Variants in TMEM114 observed in about 807,000 individuals in gnomAD.
The protein encoded by TMEM114 is claudin-26.
TMEM114 carries 6 observed loss-of-function variants against 6.2 expected under a neutral mutation model. The observed-to-expected ratio is 0.97, with a 90% CI of 0.53 to 1.91. The LOEUF (loss-of-function observed/expected upper bound fraction) is 1.91. Ranked by LOEUF, TMEM114 falls within the 40% of genes most tolerant of loss-of-function variation. TMEM114 has a pLI of 0.01. For synonymous variants in TMEM114, 104 were observed against 73.0 expected, an observed-to-expected ratio of 1.42 and a Z score of -2.16; for missense variants, 218 against 158.3, an observed-to-expected ratio of 1.38 and a Z score of -2.02.
chr16:8,572,433 CTTG>C (rs1901766315), intron 2 of TMEM114: 6 of 611,204 alleles, frequency 9.8e-6, no homozygotes, highest in South Asian at 1.9e-5. Context: ...GTGCTTTGTT[CTTG>C]TTGTTTGTTT....
At chr16:8,538,159 G>A (rs1292513192) in intron 2 of TMEM114, among the ~76,000 whole-genome samples, 2 of 115,166 alleles carry the variant, frequency 1.7e-5, no homozygotes, top group Admixed American at 9.0e-5. Context: ...AAAAAACTTC[G>A]CTGGTCATGG....
At chr16:8,546,832 G>A (rs528081286) in intron 2 of TMEM114, among the ~76,000 whole-genome samples, 1 of 152,248 alleles carries the variant, frequency 6.6e-6, no homozygotes, top group South Asian at 2.1e-4. Context: ...CTTCCTTTGA[G>A]TGTCTGCCAA....
At chr16:8,572,312 A>G in intron 2 of TMEM114, 88 bp from the exon 3 acceptor site, 1 of 1,450,592 alleles carries the variant, frequency 6.9e-7, no homozygotes, top group Admixed American at 2.0e-5. Flanking sequence ...CACCTACTAG[A>G]GCTGGGGAAA....
downstream of TMEM114, among the ~76,000 whole-genome samples, chr16:8,568,174 C>T (rs537264015): frequency 3.9e-5 from 6 of 152,302 alleles, no homozygotes; most frequent in Admixed American, 6.5e-5. Context: ...CCCTGCTTTG[C>T]TTATCTCCTA....
intron 2 of TMEM114, among the ~76,000 whole-genome samples, chr16:8,559,584 G>T (rs371511445): frequency 1.3e-5 from 2 of 152,178 alleles, no homozygotes; most frequent in South Asian, 2.1e-4. Flanking sequence ...TTCAATGCAT[G>T]AATATTTTAT....
intron 2 of TMEM114, among the ~76,000 whole-genome samples, chr16:8,549,090 G>A (rs1180964538): frequency 6.7e-6 from 1 of 149,076 alleles, no homozygotes; most frequent in African/African-American, 2.5e-5. Flanking sequence ...GCTGAGGCAG[G>A]AGAATGGCGT....
At chr16:8,565,209 A>T (rs1267585068), downstream of TMEM114, among the ~76,000 whole-genome samples, 1 of 152,140 alleles carries the variant, frequency 6.6e-6, no homozygotes, top group Non-Finnish European at 1.5e-5. Flanking sequence ...ATGTATGAAT[A>T]AATGAATAAG....
At chr16:8,581,578 C>G (rs1902150807) in intron 2 of TMEM114, among the ~76,000 whole-genome samples, 2 of 152,142 alleles carry the variant, frequency 1.3e-5, no homozygotes, top group African/African-American at 4.8e-5. Flanking sequence ...CTCAGCCTCC[C>G]AAGTAGCTGG....
At chr16:8,572,396 G>A in intron 2 of TMEM114, 172 bp from the exon 3 acceptor site, 1 of 728,202 alleles carries the variant, frequency 1.4e-6, no homozygotes, top group Non-Finnish European at 2.3e-6. Flanking sequence ...GACAACAGTG[G>A]TTGAGGCTCA....
chr16:8,540,318 G>C, intron 2 of TMEM114, among the ~76,000 whole-genome samples: 1 of 152,154 alleles, frequency 6.6e-6, no homozygotes, highest in East Asian at 1.9e-4. Context: ...GAGCTCTGGA[G>C]TCCAGCCACC....
chr16:8,538,017 G>A (rs529687145), intron 2 of TMEM114, among the ~76,000 whole-genome samples: 3 of 151,668 alleles, frequency 2.0e-5, no homozygotes, highest in African/African-American at 7.3e-5. Flanking sequence ...TTTGCCCTGA[G>A]ACTGGGCGCC....
intron 2 of TMEM114, among the ~76,000 whole-genome samples, chr16:8,585,644 C>T (rs1351045293): frequency 6.6e-6 from 1 of 151,366 alleles, no homozygotes; most frequent in Non-Finnish European, 1.5e-5. Context: ...AAAAAAAAAG[C>T]TCTTTCTGGG....
At position 8,590,069 on chromosome 16, in the gene TMEM114, C is replaced by G; in HGVS notation, c.-231G>C. The stretch of plus-strand genomic sequence containing the variant: ...CCCCCGCTCAGCCGCCGTCCACGTT[C>G]CCACCCCTCCAATGCCAGCTCTACC... On this transcript the variant is annotated 5_prime_UTR_variant, in exon 1 of 4. Coordinates refer to ENST00000620492, the MANE Select transcript of TMEM114 (RefSeq NM_001146336.2). 2.7e-6 allele frequency: 1 copy of G among 373,498 alleles called. No individual in the cohort carries two copies. Among genetic ancestry groups the G allele is most frequent in the Non-Finnish European group, 4.7e-6 (1 of 210,752 alleles). The allele number at this position is 373,498 out of a possible 1,614,324, so 23.1% of individuals were successfully genotyped here. A position where few individuals can be genotyped will look rare whatever the true frequency, so the allele number is the denominator to read the frequency against.
intron 2 of TMEM114, among the ~76,000 whole-genome samples, chr16:8,548,560 G>C (rs570460868): frequency 2.2e-4 from 33 of 152,198 alleles, no homozygotes; most frequent in African/African-American, 8.0e-4. Context: ...GTGACCTTTT[G>C]CAGGGCCACG....
At chr16:8,556,161 A>G (rs1332926092) in intron 2 of TMEM114, among the ~76,000 whole-genome samples, 1 of 152,152 alleles carries the variant, frequency 6.6e-6, no homozygotes, top group Non-Finnish European at 1.5e-5. Flanking sequence ...GTAAATGCCA[A>G]GTCTGAATTC....
In TMEM114 at chr16:8,572,437, T is replaced by C. The variant is rs1901766478; in HGVS notation, c.302-213A>G. On this transcript the variant is annotated intron_variant, in intron 2 of 3. Transcript: ENST00000620492. ...TGCAAGGCTGTGTGCTTTGTTCTTG[T>C]TGTTTGTTTTGTTTTTGAGACAGGG... The C allele has an allele frequency of 1.2e-5, 7 of 598,428 alleles. No homozygotes were observed. In the East Asian group the frequency reaches 2.2e-4, roughly 19 times the overall value. 37.1% of individuals were successfully genotyped at this position (598,428 alleles called of 1,614,324 possible). A position where few individuals can be genotyped will look rare whatever the true frequency, so the allele number is the denominator to read the frequency against.
intron 2 of TMEM114, 142 bp downstream of exon 2, chr16:8,589,071 A>C (rs2141628681): frequency 2.5e-6 from 1 of 392,952 alleles, no homozygotes; most frequent in South Asian, 1.4e-4. Context: ...TCTTAAGCCC[A>C]CTCCATTCTC....
chr16:8,564,685 GTGAGTGAA>G (rs1409727281), downstream of TMEM114, among the ~76,000 whole-genome samples: 3 of 16,310 alleles, frequency 1.8e-4, 1 homozygote, highest in Non-Finnish European at 3.9e-4. Context: ...GAGTGAATGA[GTGAGTGAA>G]TGAGTGAGTG....
chr16:8,546,790 T>C (rs1900680946), intron 2 of TMEM114, among the ~76,000 whole-genome samples: 3 of 152,238 alleles, frequency 2.0e-5, no homozygotes, highest in Admixed American at 2.0e-4. Flanking sequence ...GTCTTCTTTT[T>C]CTTCTGCAAT....
Sources: gnomAD v4.1 joint callset for allele counts (sites outside exome capture counted in the v4.1 genomes callset) on GRCh38, gnomAD v4.1.1 for gene constraint, MANE v1.5 for transcripts, NCBI Gene and HGNC (gene_info 2026-07-23, HGNC 2026-07-21) for gene names.